CALN1: variants seen among roughly 807,000 people sequenced by gnomAD.
The protein encoded by CALN1 is calneuron 1.
Under a neutral mutation model 30.6 loss-of-function variants are expected in CALN1, and 17 were observed. The observed-to-expected ratio is 0.56, with a 90% CI of 0.38 to 0.83. The LOEUF is 0.83. Ranked by LOEUF, CALN1 falls within the 40% of genes least tolerant of loss-of-function variation. CALN1 has a pLI of 0.00. For missense variants in CALN1, 291 were observed against 354.9 expected, an observed-to-expected ratio of 0.82 and a Z score of 1.45; for synonymous variants, 156 against 131.4, an observed-to-expected ratio of 1.19 and a Z score of -1.28.
chr7:72,307,649 G>C (rs1185482726), intron 2 of CALN1, among the ~76,000 whole-genome samples: 1 of 152,214 alleles, frequency 6.6e-6, no homozygotes, highest in Non-Finnish European at 1.5e-5. Context: ...GTAGGGACTA[G>C]AAGCAACCTC....
At chr7:72,317,313 G>T (rs182589294) in intron 2 of CALN1, among the ~76,000 whole-genome samples, 7 of 151,910 alleles carry the variant, frequency 4.6e-5, no homozygotes, top group African/African-American at 1.7e-4. Flanking sequence ...GAGGGAAGGT[G>T]TTTCCAAATG....
At chr7:72,087,207 G>C (rs182092258) in intron 4 of CALN1, among the ~76,000 whole-genome samples, 1 of 152,204 alleles carries the variant, frequency 6.6e-6, no homozygotes, top group Non-Finnish European at 1.5e-5. Context: ...CACTGAAATA[G>C]GCCAGAAATG....
intron 4 of CALN1, among the ~76,000 whole-genome samples, chr7:72,037,742 G>A (rs1801888843): frequency 6.6e-6 from 1 of 152,012 alleles, no homozygotes; most frequent in Admixed American, 6.6e-5. Context: ...GGGGAATGGG[G>A]AGCTGTCTTT....
At position 72,011,780 on chromosome 7, in the gene CALN1, G is replaced by A. The variant is rs554300081; in HGVS notation, c.501+11877C>T. Among the ~76,000 whole-genome samples the A allele has an allele frequency of 1.3e-4, 20 of 152,170 alleles. No homozygotes were observed. The East Asian group carries it at 3.9e-3, about 29-fold the overall frequency. The stretch of plus-strand genomic sequence containing the variant: ...CCACCTCAGCCTCCCAAGTAGCTGG[G>A]ACCACAGGTATGCACCACCAGACCC... On this transcript the variant is annotated intron_variant, in intron 5 of 6. Transcript: ENST00000395275.
In CALN1 at chr7:72,203,979, C is replaced by CTTTTTTTT. The variant is rs869149598; in HGVS notation, c.244+74699_244+74706dup. 9.5e-4 allele frequency among the ~76,000 whole-genome samples: 80 copies of CTTTTTTTT among 83,804 alleles called. 15 individuals are homozygous for CTTTTTTTT. The highest frequency in any genetic ancestry group is 3.6e-3 in the African/African-American group (68 of 19,130). The allele number at this position is 83,804 out of a possible 152,430, so 55.0% of individuals were successfully genotyped here. Reference sequence around the variant, plus strand: ...TAGCCTTCATATAAGAGGCCTCTCTCTTTTTTTTTTTTTTTTTTTTTTTTT... The same window carrying CTTTTTTTT: ...TAGCCTTCATATAAGAGGCCTCTCTCTTTTTTTTTTTTTTTTTTTTTTTTTTTTTTTTT... On this transcript the variant is annotated intron_variant, in intron 3 of 6. Coordinates refer to ENST00000395275, the MANE Select transcript of CALN1 (RefSeq NM_031468.4).
rs1424456616 is a variant in CALN1 at position 71,782,794 on chromosome 7, G to GT, written c.*4980dup. ...GTTTTGCTCTGTTGCCCAGGCTGGA[G>GT]TGCAGTGGCGCGATCTCAGCTCACT... On this transcript the variant is annotated 3_prime_UTR_variant, in exon 7 of 7. Coordinates refer to ENST00000395275, the MANE Select transcript of CALN1 (RefSeq NM_031468.4). 2 of 152,194 alleles carry GT rather than the reference G, an allele frequency of 1.3e-5. No homozygotes were observed. Among genetic ancestry groups the GT allele is most frequent in the Admixed American group, 6.5e-5 (1 of 15,284 alleles). The allele number at this position is 152,194 out of a possible 1,614,324, so 9.4% of individuals were successfully genotyped here.
chr7:72,117,813 C>A (rs1048766757), intron 3 of CALN1, among the ~76,000 whole-genome samples: 1 of 151,956 alleles, frequency 6.6e-6, no homozygotes, highest in South Asian at 2.1e-4. Context: ...CAAAAATTAG[C>A]CAGGCCTGGT....
chr7:71,868,221 T>C (rs941687059), intron 5 of CALN1, among the ~76,000 whole-genome samples: 1 of 152,122 alleles, frequency 6.6e-6, no homozygotes, highest in African/African-American at 2.4e-5. Context: ...AGAAGTTTCA[T>C]TGGCTCACAG....
At chr7:72,336,784 G>A (rs918857669) in intron 2 of CALN1, 2 of 985,256 alleles carry the variant, frequency 2.0e-6, no homozygotes, top group Non-Finnish European at 2.4e-6. Context: ...AGGCCCGCAG[G>A]GAGGGGGCGG....
At chr7:72,075,776 G>A (rs762444767) in intron 4 of CALN1, among the ~76,000 whole-genome samples, 1 of 152,152 alleles carries the variant, frequency 6.6e-6, no homozygotes, top group Non-Finnish European at 1.5e-5. Context: ...CTGGCCCCCT[G>A]CCCTATCTTC....
chr7:72,501,928 A>AAAAAAAAAAAT, the CALN1 span, among the ~76,000 whole-genome samples: 1 of 57,968 alleles, frequency 1.7e-5, no homozygotes, highest in African/African-American at 9.9e-5. Flanking sequence ...AAAAAAAAAA[A>AAAAAAAAAAAT]ATATATATAT....
chr7:71,810,544 T>G (rs948192159), intron 5 of CALN1, 52 bp from the exon 6 acceptor site: 1 of 1,585,732 alleles, frequency 6.3e-7, no homozygotes, highest in Non-Finnish European at 8.6e-7. Context: ...AGATGGGAAG[T>G]TGGCTCGGGC....
chr7:72,461,804 T>C, the CALN1 span, among the ~76,000 whole-genome samples: 1 of 152,254 alleles, frequency 6.6e-6, no homozygotes, highest in East Asian at 1.9e-4. Flanking sequence ...AGCCAGGAGT[T>C]TGAGACCAGC....
At chr7:72,054,488 T>TACATATATGC (rs1563015707) in intron 4 of CALN1, among the ~76,000 whole-genome samples, 2 of 105,952 alleles carry the variant, frequency 1.9e-5, no homozygotes, top group Non-Finnish European at 3.9e-5. Context: ...TACATATATA[T>TACATATATGC]ATACATATAT....
At chr7:72,076,646 A>AAAAAAAAAAAAAAAAAAAAG (rs1563035689) in intron 4 of CALN1, among the ~76,000 whole-genome samples, 1 of 124,532 alleles carries the variant, frequency 8.0e-6, no homozygotes, top group African/African-American at 3.2e-5. Context: ...AAAAAAAAAA[A>AAAAAAAAAAAAAAAAAAAAG]AGCAAAGACA....
chr7:72,096,145 G>C (rs945497564), intron 4 of CALN1, among the ~76,000 whole-genome samples: 26 of 152,158 alleles, frequency 1.7e-4, no homozygotes, highest in Admixed American at 1.7e-3. Flanking sequence ...CAGGGGTAGG[G>C]CCTGAGTTGG....
upstream of CALN1, among the ~76,000 whole-genome samples, chr7:72,416,821 A>G (rs1001079731): frequency 6.6e-6 from 1 of 151,278 alleles, no homozygotes; most frequent in Admixed American, 6.6e-5. Flanking sequence ...CCTCTCCTGC[A>G]TTAATGTCAG....
chr7:71,968,003 T>G (rs1273084927), intron 5 of CALN1, among the ~76,000 whole-genome samples: 1 of 152,206 alleles, frequency 6.6e-6, no homozygotes, highest in South Asian at 2.1e-4. Context: ...AACATACATT[T>G]CTCATTTTAT....
chr7:72,430,500 C>T (rs1807939665), intron 1 of CALN1, among the ~76,000 whole-genome samples: 1 of 152,040 alleles, frequency 6.6e-6, no homozygotes, highest in South Asian at 2.1e-4. Context: ...TCTGGATAAA[C>T]GTTTTTCTAC....
Sources: gnomAD v4.1 joint callset for allele counts (sites outside exome capture counted in the v4.1 genomes callset) on GRCh38, gnomAD v4.1.1 for gene constraint, MANE v1.5 for transcripts, NCBI Gene and HGNC (gene_info 2026-07-23, HGNC 2026-07-21) for gene names.